PKIB: variants seen among roughly 807,000 people sequenced by gnomAD.
PKIB encodes the protein PKI-beta.
In PKIB, 2 loss-of-function variants were observed where a neutral mutation model predicts 4.5. The observed-to-expected ratio is 0.44, with a 90% CI of 0.18 to 1.39. PKIB has a LOEUF of 1.39. Among genes scored for constraint, PKIB ranks in the 40% most tolerant of loss-of-function variants. The pLI, the probability that PKIB is intolerant of heterozygous loss-of-function variation, is 0.27. For synonymous variants in PKIB, 38 were observed against 36.0 expected (o/e 1.06, Z -0.20); for missense variants, 94 against 92.6 (o/e 1.02, Z -0.06).
intron 3 of PKIB, among the ~76,000 whole-genome samples, chr6:122,691,928 G>T (rs1286475661): frequency 2.0e-5 from 3 of 152,192 alleles, no homozygotes; most frequent in East Asian, 3.9e-4. Context: ...TAACACTGTG[G>T]TTCTTGTAGG....
intron 1 of PKIB, among the ~76,000 whole-genome samples, chr6:122,627,070 TAAAAAAAAAAAA>T: frequency 9.2e-6 from 1 of 108,324 alleles, no homozygotes; most frequent in Admixed American, 9.4e-5. Context: ...CCGTCTCTAC[TAAAAAAAAAAAA>T]AAAAAAAAAA....
At chr6:122,609,632 G>A (rs1774666343), upstream of PKIB, among the ~76,000 whole-genome samples, 2 of 152,160 alleles carry the variant, frequency 1.3e-5, no homozygotes, top group Admixed American at 6.5e-5. Flanking sequence ...AGAGTTTCAG[G>A]AGACCAGAGG....
At chr6:122,482,698 G>A (rs1017088741) in intron 2 of PKIB, 4 of 151,958 alleles carry the variant, frequency 2.6e-5, no homozygotes, top group African/African-American at 9.7e-5. Flanking sequence ...TTATAGGCAT[G>A]CGCCACCACA....
At chr6:122,521,711 G>A (rs980873838) in intron 2 of PKIB, among the ~76,000 whole-genome samples, 2 of 151,880 alleles carry the variant, frequency 1.3e-5, no homozygotes, top group African/African-American at 4.8e-5. Flanking sequence ...AAAAGAAGAT[G>A]ACATTTCAAA....
At chr6:122,579,849 C>T (rs1219292066) in intron 2 of PKIB, among the ~76,000 whole-genome samples, 1 of 152,118 alleles carries the variant, frequency 6.6e-6, no homozygotes, top group Non-Finnish European at 1.5e-5. Flanking sequence ...CACCTTGACA[C>T]AATGTGTTTA....
At chr6:122,521,545 T>TG (rs1446560658) in intron 2 of PKIB, among the ~76,000 whole-genome samples, 1 of 151,760 alleles carries the variant, frequency 6.6e-6, no homozygotes, top group Non-Finnish European at 1.5e-5. Flanking sequence ...CTGGGCGTGG[T>TG]GGTGGGCGCC....
chr6:122,561,994 G>GTTTTTTTTTTTTTT lies in PKIB; in HGVS notation c.-247-23918_-247-23917insTTTTTTTTTTTTTT. On this transcript the variant is annotated intron_variant, in intron 2 of 6. Coordinates refer to the PKIB transcript ENST00000392491. ...GCATAGTTTTTTTTTGTTTGTTTTT[G>GTTTTTTTTTTTTTT]TTTTTTTTTGTTTTTTTTTTTTTTT... is the stretch of plus-strand genomic sequence containing the variant. Among the ~76,000 whole-genome samples the GTTTTTTTTTTTTTT allele has an allele frequency of 1.9e-3, 78 of 40,910 alleles. 8 individuals are homozygous for GTTTTTTTTTTTTTT. The highest frequency in any genetic ancestry group is 2.4e-3 in the Non-Finnish European group (51 of 21,688). The allele number at this position is 40,910 out of a possible 152,430, so 26.8% of individuals were successfully genotyped here.
At chr6:122,560,662 T>C (rs537966223) in intron 2 of PKIB, among the ~76,000 whole-genome samples, 54 of 152,168 alleles carry the variant, frequency 3.5e-4, no homozygotes, top group Admixed American at 7.8e-4. Flanking sequence ...TGAATCCATC[T>C]GGTCCTGCAC....
intron 2 of PKIB, among the ~76,000 whole-genome samples, chr6:122,571,426 T>A (rs1289253201): frequency 1.3e-5 from 2 of 152,162 alleles, no homozygotes; most frequent in Admixed American, 1.3e-4. Context: ...TGCAAAAAGA[T>A]TATCACCAAA....
chr6:122,607,062 G>T (rs1774560069), upstream of PKIB, among the ~76,000 whole-genome samples: 1 of 150,748 alleles, frequency 6.6e-6, no homozygotes, highest in Non-Finnish European at 1.5e-5. Flanking sequence ...AGATGAAAAT[G>T]CAAGTCCCCT....
chr6:122,721,816 T>TG (rs1001022414), intron 4 of PKIB, among the ~76,000 whole-genome samples: 1 of 151,856 alleles, frequency 6.6e-6, no homozygotes, highest in African/African-American at 2.4e-5. Flanking sequence ...TATATATATA[T>TG]ATATGAGAAA....
intron 2 of PKIB, chr6:122,480,270 CTGACCTCATG>C (rs1562223086): frequency 6.6e-6 from 1 of 152,064 alleles, no homozygotes. Flanking sequence ...TCTTGATCTC[CTGACCTCATG>C]ATACACCCGC....
intron 2 of PKIB, among the ~76,000 whole-genome samples, chr6:122,664,109 CA>C (rs1777124062): frequency 1.3e-5 from 2 of 152,128 alleles, no homozygotes. Context: ...AGTAATACTG[CA>C]ATGTGGTGAA....
At chr6:122,714,313 G>A (rs1582839588) in intron 3 of PKIB, among the ~76,000 whole-genome samples, 1 of 152,326 alleles carries the variant, frequency 6.6e-6, no homozygotes, top group Non-Finnish European at 1.5e-5. Flanking sequence ...CCAAATGTGA[G>A]TTTGCCACAG....
intron 3 of PKIB, among the ~76,000 whole-genome samples, chr6:122,692,334 A>G (rs7741708): frequency 0.021 from 3,176 of 152,196 alleles, 100 homozygotes; most frequent in African/African-American, 0.074. Flanking sequence ...GGAGCCAGGA[A>G]CTGGAGTCAA....
At chr6:122,641,764 G>A (rs904110160) in intron 2 of PKIB, among the ~76,000 whole-genome samples, 2 of 152,142 alleles carry the variant, frequency 1.3e-5, no homozygotes, top group Admixed American at 6.5e-5. Flanking sequence ...CATGATCTCC[G>A]CTCACTGCAA....
intron 2 of PKIB, among the ~76,000 whole-genome samples, chr6:122,543,104 G>C (rs1449632167): frequency 6.6e-6 from 1 of 152,056 alleles, no homozygotes; most frequent in East Asian, 1.9e-4. Context: ...TGATTTTCCA[G>C]GTGCCGTCTG....
At chr6:122,505,141 A>G (rs1405226295) in intron 2 of PKIB, among the ~76,000 whole-genome samples, 1 of 152,214 alleles carries the variant, frequency 6.6e-6, no homozygotes, top group African/African-American at 2.4e-5. Flanking sequence ...GTGTATCTTT[A>G]TCGGAGAGTA....
At chr6:122,552,166 C>T (rs181726230) in intron 2 of PKIB, among the ~76,000 whole-genome samples, 181 of 152,126 alleles carry the variant, frequency 1.2e-3, no homozygotes, top group East Asian at 1.7e-3. Flanking sequence ...GGAGATACAC[C>T]GCAGAAGGAA....
Sources: gnomAD v4.1 joint callset for allele counts (sites outside exome capture counted in the v4.1 genomes callset) on GRCh38, gnomAD v4.1.1 for gene constraint, MANE v1.5 for transcripts, NCBI Gene and HGNC (gene_info 2026-07-23, HGNC 2026-07-21) for gene names.